RARS1: variants seen among roughly 807,000 people sequenced by gnomAD.
RARS1 encodes the protein arginine--tRNA ligase, cytoplasmic.
RARS1 carries 75 observed loss-of-function variants against 78.7 expected under a neutral mutation model. The ratio of observed to expected loss-of-function variants is 0.95; its 90% CI spans 0.79 to 1.15. The LOEUF (loss-of-function observed/expected upper bound fraction) is 1.15, where lower values mean the gene tolerates loss of function less well. Ranked by LOEUF, RARS1 falls within the 50% of genes most tolerant of loss-of-function variation. The pLI, the probability that RARS1 is intolerant of heterozygous loss-of-function variation, is 0.00. For missense variants in RARS1, 787 were observed against 787.5 expected (o/e 1.00, Z 0.01); for synonymous variants, 273 against 268.2 (o/e 1.02, Z -0.18).
chr5:168,512,482 G>A (rs1214549305), intron 12 of RARS1, among the ~76,000 whole-genome samples: 3 of 152,158 alleles, frequency 2.0e-5, no homozygotes, highest in Non-Finnish European at 4.4e-5. Flanking sequence ...CCACATTGGT[G>A]TATTAGTCAG....
At chr5:168,501,897 TTAA>T in intron 8 of RARS1, 101 bp from the exon 9 acceptor site, 1 of 1,429,054 alleles carries the variant, frequency 7.0e-7, no homozygotes, top group Non-Finnish European at 9.2e-7. Context: ...TAATTTCCTT[TTAA>T]TATTTGTATT....
At chr5:168,518,097 G>GTTTTTTTTTTTTTT (rs1561829748) in intron 14 of RARS1, 35 bp downstream of exon 14, 2 of 920,034 alleles carry the variant, frequency 2.2e-6, no homozygotes, top group African/African-American at 5.1e-5. Context: ...TTTTTTTTTA[G>GTTTTTTTTTTTTTT]TGAGAGACAC....
At chr5:168,505,395 TTCC>T (rs909712802) in intron 9 of RARS1, among the ~76,000 whole-genome samples, 26 of 152,320 alleles carry the variant, frequency 1.7e-4, no homozygotes, top group African/African-American at 5.8e-4. Flanking sequence ...CTACTTCTCA[TTCC>T]AAATGCCAAA....
At chr5:168,488,117 A>G in intron 1 of RARS1, 1 of 362,536 alleles carries the variant, frequency 2.8e-6, no homozygotes, top group Non-Finnish European at 5.4e-6. Context: ...TGTGTGGTTA[A>G]TATATTCTTT....
At position 168,500,701 on chromosome 5, in the gene RARS1, C is replaced by A; in HGVS notation, c.933C>A (p.Ile311=). Residue 311 remains isoleucine, a synonymous_variant, in exon 8 of 15, where the codon ATC becomes ATA. Transcript: ENST00000231572. ...ATATTACAAAAGCTTGGAAGCTTAT[C>A]TGTGATGTCTCCCGCCAAGGTGAGT... ...NPDITKAWKL[I]CDVSRQELNK... is the part of the protein sequence containing the mutation. 6.2e-7 allele frequency: 1 copy of A among 1,611,238 alleles called. No homozygotes were observed. The highest frequency in any genetic ancestry group is 2.2e-5 in the East Asian group (1 of 44,764).
intron 12 of RARS1, among the ~76,000 whole-genome samples, chr5:168,513,160 C>T (rs1758598641): frequency 6.6e-6 from 1 of 151,650 alleles, no homozygotes; most frequent in African/African-American, 2.4e-5. Context: ...ATTCTCCTGC[C>T]TCAGCCTCCT....
chr5:168,504,847 C>T (rs116688540), intron 9 of RARS1, among the ~76,000 whole-genome samples: 5,435 of 151,926 alleles, frequency 0.036, 304 homozygotes, highest in African/African-American at 0.12. Context: ...ATTAGCCAGG[C>T]GTGATCGTGC....
chr5:168,513,760 G>A (rs895948398), intron 12 of RARS1, among the ~76,000 whole-genome samples: 6 of 151,638 alleles, frequency 4.0e-5, no homozygotes, highest in South Asian at 4.2e-4. Context: ...ATATATTTTC[G>A]CCCTTTCCTG....
chr5:168,510,836 T>G, intron 12 of RARS1, 150 bp downstream of exon 12: 1 of 530,906 alleles, frequency 1.9e-6, no homozygotes, highest in Non-Finnish European at 3.3e-6. Context: ...AGTAAGTTTA[T>G]TTTGTGAATT....
rs1279491534 is a variant in RARS1 at position 168,494,089 on chromosome 5, G to T, written c.478+87G>T. ...AAAAGAACACACATTTTAATTACAGGGTTAAACTTTGTATACTGAACAAGA... is the reference window on the plus strand; with the variant it reads ...AAAAGAACACACATTTTAATTACAGTGTTAAACTTTGTATACTGAACAAGA... On this transcript the variant is annotated intron_variant, in intron 4 of 14. Coordinates refer to ENST00000231572, the MANE Select transcript of RARS1 (RefSeq NM_002887.4). 3 of 1,357,242 alleles carry T rather than the reference G, an allele frequency of 2.2e-6. No homozygotes were observed. The East Asian group carries it at 7.3e-5, about 33-fold the overall frequency. The allele number at this position is 1,357,242 out of a possible 1,614,324, so 84.1% of individuals were successfully genotyped here.
In RARS1 at chr5:168,508,771, TCC is replaced by T. The variant is rs1340908006; in HGVS notation, c.1347-1809_1347-1808del. Among the ~76,000 whole-genome samples the T allele has an allele frequency of 1.3e-3, 191 of 152,326 alleles. 1 individual carries two copies. Among genetic ancestry groups the T allele is most frequent in the African/African-American group, 4.2e-3 (175 of 41,564 alleles). On this transcript the variant is annotated intron_variant, in intron 11 of 14. Transcript: ENST00000231572. ...TAATTTTTTTTTAATTTCATCATCT[TCC>T]TGCTATTCCTTGTACATCTGTTTAT...
In RARS1 at chr5:168,518,004, A is replaced by C. The variant is rs1324158410; in HGVS notation, c.1815A>C (p.Ala605=). The change falls in exon 14 of 15, where the codon GCA becomes GCC. Residue 605 remains alanine, a synonymous_variant. Transcript: ENST00000231572. The stretch of plus-strand genomic sequence containing the variant: ...TCTGTGATTATATATATGAGCTGGC[A>C]ACTGCTTTCACAGAGTTCTATGATA... ...HTLCDYIYEL[A]TAFTEFYDSC... The C allele has an allele frequency of 6.3e-7, 1 of 1,593,398 alleles. No homozygotes were observed. Among genetic ancestry groups the C allele is most frequent in the Non-Finnish European group, 8.5e-7 (1 of 1,169,808 alleles).
intron 2 of RARS1, among the ~76,000 whole-genome samples, chr5:168,491,638 C>T (rs745562584): frequency 4.0e-4 from 61 of 152,170 alleles, no homozygotes; most frequent in Non-Finnish European, 6.8e-4. Flanking sequence ...TCCACTTATT[C>T]TGTCTTGTCT....
chr5:168,518,071 C>CTTTTTTTTTTTTTTTTTTTTTTTTTTTTT lies in RARS1; in HGVS notation c.1873+33_1873+34insTTTTTTTTTTTTTTTTTTTTTTTTTTTTT, dbSNP rs747777615. ...GAAAGATAGACAGACTGGTGAGTGTCTTTTTTTTTTTTTTTTTTTTTTTTA... is the reference window on the plus strand; with the variant it reads ...GAAAGATAGACAGACTGGTGAGTGTCTTTTTTTTTTTTTTTTTTTTTTTTTTTTTTTTTTTTTTTTTTTTTTTTTTTTTA... On this transcript the variant is annotated intron_variant, in intron 14 of 14. Coordinates refer to ENST00000231572, the MANE Select transcript of RARS1 (RefSeq NM_002887.4). 90 of 748,142 alleles carry CTTTTTTTTTTTTTTTTTTTTTTTTTTTTT rather than the reference C, an allele frequency of 1.2e-4. 7 individuals are homozygous for CTTTTTTTTTTTTTTTTTTTTTTTTTTTTT. Among genetic ancestry groups the CTTTTTTTTTTTTTTTTTTTTTTTTTTTTT allele is most frequent in the Middle Eastern group, 7.0e-4 (1 of 1,422 alleles). The allele number at this position is 748,142 out of a possible 1,614,324, so 46.3% of individuals were successfully genotyped here. A position where few individuals can be genotyped will look rare whatever the true frequency, so the allele number is the denominator to read the frequency against.
At chr5:168,487,971 G>T (rs1287380719) in intron 1 of RARS1, among the ~76,000 whole-genome samples, 1 of 152,104 alleles carries the variant, frequency 6.6e-6, no homozygotes, top group Non-Finnish European at 1.5e-5. Context: ...ATAAAAGCAG[G>T]TTGGTCAACC....
At chr5:168,517,167 G>C (rs1202637669) in intron 13 of RARS1, among the ~76,000 whole-genome samples, 3 of 151,922 alleles carry the variant, frequency 2.0e-5, no homozygotes, top group African/African-American at 7.3e-5. Context: ...TTTTGAGACG[G>C]AGTCTCACTC....
At chr5:168,490,984 A>G (rs1414387321) in intron 2 of RARS1, among the ~76,000 whole-genome samples, 1 of 152,046 alleles carries the variant, frequency 6.6e-6, no homozygotes, top group African/African-American at 2.4e-5. Context: ...TAAAAATACA[A>G]AAATTAGCCA....
rs148979953 is a variant in RARS1 at position 168,517,839 on chromosome 5, T to C, written c.1650T>C (p.Ile550=). 153 of 1,613,822 alleles carry C rather than the reference T, an allele frequency of 9.5e-5. No individual in the cohort carries two copies. The African/African-American group carries it at 1.9e-3, about 20-fold the overall frequency. ...RIRSIARLAN[I]DEEMLQKAAR... Reference sequence around the variant, plus strand: ...GGTCTATTGCACGTCTGGCCAATATTGATGAAGAAATGCTCCAAAAAGCTG... The same window carrying C: ...GGTCTATTGCACGTCTGGCCAATATCGATGAAGAAATGCTCCAAAAAGCTG... Residue 550 remains isoleucine, a synonymous_variant, in exon 14 of 15, where the codon ATT becomes ATC. Coordinates refer to ENST00000231572, the MANE Select transcript of RARS1 (RefSeq NM_002887.4).
chr5:168,516,957 G>A lies in RARS1; in HGVS notation c.1625+7G>A. 1.2e-6 allele frequency: 2 copies of A among 1,611,522 alleles called. No homozygotes were observed. Among genetic ancestry groups the A allele is most frequent in the African/African-American group, 2.7e-5 (2 of 74,920 alleles). On this transcript the variant is annotated splice_region_variant and intron_variant, in intron 13 of 14. Coordinates refer to ENST00000231572, the MANE Select transcript of RARS1 (RefSeq NM_002887.4). ...ATGCCTTCACTAGAATCAGGTAATT[G>A]TGGGTAGGCATTGTTTTATTGTGAA...
Sources: gnomAD v4.1 joint callset for allele counts (sites outside exome capture counted in the v4.1 genomes callset) on GRCh38, gnomAD v4.1.1 for gene constraint, MANE v1.5 for transcripts, NCBI Gene and HGNC (gene_info 2026-07-23, HGNC 2026-07-21) for gene names.